TBC1D19: variants seen among roughly 807,000 people sequenced by gnomAD.
TBC1D19 encodes the protein TBC1 domain family member 19.
A neutral mutation model predicts 89.0 loss-of-function variants in TBC1D19; 60 were observed. The ratio of observed to expected loss-of-function variants is 0.67; its 90% confidence interval spans 0.55 to 0.84. TBC1D19 has a LOEUF of 0.84. TBC1D19 is among the 40% of genes least tolerant of loss of function. TBC1D19 has a pLI of 0.00. For synonymous variants in TBC1D19, 189 were observed against 199.7 expected (o/e 0.95, Z 0.45); for missense variants, 500 against 610.8 (o/e 0.82, Z 1.91).
intron 13 of TBC1D19, among the ~76,000 whole-genome samples, chr4:26,698,260 C>T (rs1245234673): frequency 6.6e-6 from 1 of 152,152 alleles, no homozygotes; most frequent in Admixed American, 6.5e-5. Flanking sequence ...CTCCCATTCA[C>T]AATTGCTTCA....
At chr4:26,749,017 A>G (rs1257770905) in intron 19 of TBC1D19, among the ~76,000 whole-genome samples, 1 of 152,194 alleles carries the variant, frequency 6.6e-6, no homozygotes, top group African/African-American at 2.4e-5. Flanking sequence ...CCTTTTTGCT[A>G]ACAGTCTCTG....
At chr4:26,649,543 C>A (rs1577870712) in intron 7 of TBC1D19, among the ~76,000 whole-genome samples, 1 of 152,140 alleles carries the variant, frequency 6.6e-6, no homozygotes, top group East Asian at 1.9e-4. Context: ...CAGCCCTAGG[C>A]AACCACTAAT....
rs1717720160 is a variant in TBC1D19 at position 26,732,411 on chromosome 4, C to T, written c.1085-3044C>T. Among the ~76,000 whole-genome samples, 3 of 152,296 alleles carry T rather than the reference C, an allele frequency of 2.0e-5. 1 individual carries two copies. In the South Asian group the frequency reaches 6.2e-4, roughly 32 times the overall value. Reference sequence around the variant, plus strand: ...TTATTTTTCTTCATAGCCCTTATTACTATCTGACATGTATTCGCTTATTTT... The same window carrying T: ...TTATTTTTCTTCATAGCCCTTATTATTATCTGACATGTATTCGCTTATTTT... On this transcript the variant is annotated intron_variant, in intron 15 of 20. Transcript: ENST00000264866.
chr4:26,592,717 A>G (rs1470881442), intron 1 of TBC1D19, among the ~76,000 whole-genome samples: 5 of 151,330 alleles, frequency 3.3e-5, no homozygotes, highest in Admixed American at 1.3e-4. Flanking sequence ...GAGCCAAATC[A>G]TGAGTGAACT....
chr4:26,735,034 GTA>G (rs1382529162), intron 15 of TBC1D19, among the ~76,000 whole-genome samples: 9 of 150,914 alleles, frequency 6.0e-5, no homozygotes, highest in African/African-American at 2.2e-4. Context: ...ATGTATATAT[GTA>G]TATGTGTACA....
intron 9 of TBC1D19, among the ~76,000 whole-genome samples, chr4:26,669,725 G>A (rs1712120461): frequency 6.6e-6 from 1 of 151,542 alleles, no homozygotes; most frequent in Non-Finnish European, 1.5e-5. Context: ...AGAATTGGCT[G>A]GCAACTTATT....
chr4:26,688,524 G>T lies in TBC1D19; in HGVS notation c.954+117G>T, dbSNP rs562827280. 330 of 1,247,006 alleles carry T rather than the reference G, an allele frequency of 2.6e-4. 4 individuals are homozygous for T. In the South Asian group the frequency reaches 5.5e-3, roughly 21 times the overall value. 77.2% of individuals were successfully genotyped at this position (1,247,006 alleles called of 1,614,324 possible). ...TTTTGTAATCCATGGCATGCTTGTC[G>T]GATGAAATGTTCTAAGTTTGGGATA... On this transcript the variant is annotated intron_variant, in intron 13 of 20. Coordinates refer to ENST00000264866, the MANE Select transcript of TBC1D19 (RefSeq NM_018317.4).
chr4:26,667,625 G>A (rs1442236092), intron 9 of TBC1D19, among the ~76,000 whole-genome samples: 2 of 152,026 alleles, frequency 1.3e-5, no homozygotes, highest in Non-Finnish European at 2.9e-5. Flanking sequence ...TTGCAAGTTT[G>A]AGGATAGTAC....
Position 26,655,261 on chromosome 4 carries a change from G to T in TBC1D19, c.481-4336G>T, listed in dbSNP as rs528760625. ...TTGTCTCAGAGGAGTACCCGGCCAT[G>T]TGAGGTGTCAGTCTGCCCCTACTGG... On this transcript the variant is annotated intron_variant, in intron 7 of 20. Coordinates refer to ENST00000264866, the MANE Select transcript of TBC1D19 (RefSeq NM_018317.4). 2.2e-4 allele frequency among the ~76,000 whole-genome samples: 33 copies of T among 152,292 alleles called. No homozygotes were observed. The East Asian group carries it at 6.0e-3, about 28-fold the overall frequency.
At chr4:26,779,425 G>A in the TBC1D19 span, among the ~76,000 whole-genome samples, 1 of 152,190 alleles carries the variant, frequency 6.6e-6, no homozygotes, top group Non-Finnish European at 1.5e-5. Flanking sequence ...TTGGGATCAG[G>A]CTGCTGCTTG....
chr4:26,851,305 CTA>C, the TBC1D19 span, among the ~76,000 whole-genome samples: 271 of 27,944 alleles, frequency 9.7e-3, 1 homozygote, highest in Non-Finnish European at 0.015. Context: ...AATAAATACC[CTA>C]TCTATCTATC....
chr4:26,617,387 T>C (rs772893390), intron 3 of TBC1D19, among the ~76,000 whole-genome samples: 1 of 152,252 alleles, frequency 6.6e-6, no homozygotes, highest in Non-Finnish European at 1.5e-5. Flanking sequence ...TTGAAGATCA[T>C]ATAGCTAGCA....
chr4:26,637,335 A>G, intron 5 of TBC1D19, 50 bp downstream of exon 5: 3 of 1,345,526 alleles, frequency 2.2e-6, no homozygotes, highest in Non-Finnish European at 3.2e-6. Flanking sequence ...AATCAAATAC[A>G]GAAAGTATCA....
intron 7 of TBC1D19, among the ~76,000 whole-genome samples, chr4:26,655,522 A>G (rs1456948858): frequency 4.6e-5 from 7 of 152,204 alleles, no homozygotes; most frequent in Admixed American, 4.6e-4. Flanking sequence ...GGCTCCACCC[A>G]GTTCGAGCTT....
At chr4:26,685,839 A>G (rs1278619497) in intron 12 of TBC1D19, among the ~76,000 whole-genome samples, 1 of 152,210 alleles carries the variant, frequency 6.6e-6, no homozygotes, top group Non-Finnish European at 1.5e-5. Context: ...TTTTCTAGTC[A>G]AATGAGAGGA....
At chr4:26,825,773 A>T in the TBC1D19 span, among the ~76,000 whole-genome samples, 1 of 152,368 alleles carries the variant, frequency 6.6e-6, no homozygotes, top group South Asian at 2.1e-4. Flanking sequence ...CATTTTTCTC[A>T]ACTGTAAAAC....
Position 26,688,506 on chromosome 4 carries a change from A to G in TBC1D19, c.954+99A>G, listed in dbSNP as rs1694952214. The G allele has an allele frequency of 7.0e-6, 9 of 1,292,118 alleles. No homozygotes were observed. The Admixed American group carries it at 3.5e-4, about 50-fold the overall frequency. The allele number at this position is 1,292,118 out of a possible 1,614,324, so 80.0% of individuals were successfully genotyped here. A position where few individuals can be genotyped will look rare whatever the true frequency, so the allele number is the denominator to read the frequency against. On this transcript the variant is annotated intron_variant, in intron 13 of 20. Coordinates refer to ENST00000264866, the MANE Select transcript of TBC1D19 (RefSeq NM_018317.4). ...CTGCTGTTGACTAAATCTTTTTGTAATCCATGGCATGCTTGTCGGATGAAA... is the reference window on the plus strand; with the variant it reads ...CTGCTGTTGACTAAATCTTTTTGTAGTCCATGGCATGCTTGTCGGATGAAA...
At chr4:26,661,402 A>G (rs1745214264) in intron 8 of TBC1D19, among the ~76,000 whole-genome samples, 2 of 152,184 alleles carry the variant, frequency 1.3e-5, no homozygotes, top group South Asian at 4.1e-4. Context: ...GGGAACCCTT[A>G]CAAAAAAGAG....
upstream of TBC1D19, among the ~76,000 whole-genome samples, chr4:26,579,255 C>T (rs556975029): frequency 6.6e-6 from 1 of 152,254 alleles, no homozygotes; most frequent in South Asian, 2.1e-4. Flanking sequence ...TTTTGGACAT[C>T]ACGGCAGAAG....
Sources: allele counts gnomAD v4.1 joint callset (sites outside exome capture counted in the v4.1 genomes callset), GRCh38; gene constraint gnomAD v4.1.1; transcripts MANE v1.5; gene names NCBI Gene and HGNC (gene_info 2026-07-23, HGNC 2026-07-21).